Variants in SGCZ observed in about 807,000 individuals in gnomAD.
SGCZ encodes the protein sarcoglycan zeta, also known as zeta-sarcoglycan.
SGCZ carries 40 observed loss-of-function variants against 41.3 expected under a neutral mutation model. The ratio of observed to expected loss-of-function variants is 0.97; its 90% CI spans 0.75 to 1.26. The LOEUF (loss-of-function observed/expected upper bound fraction) is 1.26. Among genes scored for constraint, SGCZ ranks in the 50% most tolerant of loss-of-function variants. SGCZ has a pLI of 0.00. For missense variants in SGCZ, 552 were observed against 369.8 expected (o/e 1.49, Z -4.04); for synonymous variants, 206 against 137.5 (o/e 1.50, Z -3.49).
At chr8:14,726,687 A>C (rs2130213870) in intron 1 of SGCZ, among the ~76,000 whole-genome samples, 1 of 152,234 alleles carries the variant, frequency 6.6e-6, no homozygotes, top group Middle Eastern at 3.4e-3. Context: ...TAAATGTATA[A>C]ACAACTTGAA....
chr8:14,693,974 G>C (rs73527548), intron 1 of SGCZ, among the ~76,000 whole-genome samples: 6,203 of 152,206 alleles, frequency 0.041, 408 homozygotes, highest in African/African-American at 0.14. Flanking sequence ...TTATGACCAA[G>C]TTTCCACATT....
intron 3 of SGCZ, among the ~76,000 whole-genome samples, chr8:14,245,162 G>C (rs545437375): frequency 9.2e-5 from 14 of 152,264 alleles, no homozygotes; most frequent in Admixed American, 5.2e-4. Context: ...GGGCATACCT[G>C]TCTTGTGGCA....
chr8:14,233,634 T>A (rs1037728537), intron 4 of SGCZ, among the ~76,000 whole-genome samples: 1 of 148,946 alleles, frequency 6.7e-6, no homozygotes, highest in African/African-American at 2.4e-5. Flanking sequence ...TTTCCTGAGA[T>A]AATAAAACAA....
chr8:15,175,837 G>A (rs1472426531), intron 1 of SGCZ, among the ~76,000 whole-genome samples: 1 of 152,110 alleles, frequency 6.6e-6, no homozygotes, highest in Non-Finnish European at 1.5e-5. Flanking sequence ...ACTTCTAGGA[G>A]AGGAAGATTG....
chr8:15,203,964 G>A (rs34848985), intron 1 of SGCZ, among the ~76,000 whole-genome samples: 3,297 of 152,072 alleles, frequency 0.022, 38 homozygotes, highest in Non-Finnish European at 0.035. Flanking sequence ...ATGGGACTAC[G>A]TTTATGTAAG....
At chr8:14,218,840 C>A (rs1021712876) in intron 4 of SGCZ, among the ~76,000 whole-genome samples, 1 of 152,116 alleles carries the variant, frequency 6.6e-6, no homozygotes, top group South Asian at 2.1e-4. Context: ...AGAAGTTTTG[C>A]CAAAGCAATG....
intron 7 of SGCZ, among the ~76,000 whole-genome samples, chr8:14,100,567 TTAA>T (rs1045240420): frequency 3.0e-5 from 4 of 133,724 alleles, no homozygotes; most frequent in African/African-American, 1.1e-4. Context: ...ATATTATATA[TTAA>T]TATATTTTCA....
At chr8:14,929,263 T>C (rs1799857384) in intron 1 of SGCZ, among the ~76,000 whole-genome samples, 2 of 152,202 alleles carry the variant, frequency 1.3e-5, no homozygotes, top group African/African-American at 4.8e-5. Flanking sequence ...AGTACTGGGA[T>C]TACAGGCGTG....
chr8:14,942,458 A>G (rs1223599653), intron 1 of SGCZ, among the ~76,000 whole-genome samples: 2 of 152,134 alleles, frequency 1.3e-5, no homozygotes, highest in Non-Finnish European at 2.9e-5. Flanking sequence ...GTAATCCACA[A>G]GTTTCCTATA....
chr8:14,435,335 T>C (rs1203688890), intron 2 of SGCZ, among the ~76,000 whole-genome samples: 2 of 152,204 alleles, frequency 1.3e-5, no homozygotes, highest in African/African-American at 2.4e-5. Flanking sequence ...ATTTCAATAA[T>C]CCCATAGTCT....
intron 1 of SGCZ, among the ~76,000 whole-genome samples, chr8:15,097,153 G>A (rs1005963185): frequency 2.0e-4 from 30 of 151,954 alleles, no homozygotes; most frequent in Non-Finnish European, 4.3e-4. Flanking sequence ...AAACTGTTTG[G>A]GCCACTGTTA....
At chr8:14,996,933 G>C (rs1012592943) in intron 1 of SGCZ, among the ~76,000 whole-genome samples, 2 of 152,166 alleles carry the variant, frequency 1.3e-5, no homozygotes, top group Admixed American at 6.5e-5. Flanking sequence ...TTATTCGTGG[G>C]TTAATAGAGG....
intron 1 of SGCZ, among the ~76,000 whole-genome samples, chr8:14,924,049 AG>A (rs1226560848): frequency 1.3e-5 from 2 of 152,182 alleles, no homozygotes; most frequent in Non-Finnish European, 2.9e-5. Context: ...TCCCCTCTTA[AG>A]GGGAGTTTCA....
intron 1 of SGCZ, among the ~76,000 whole-genome samples, chr8:15,081,259 G>A (rs920520915): frequency 9.9e-5 from 15 of 151,954 alleles, no homozygotes; most frequent in African/African-American, 1.5e-4. Flanking sequence ...TTGTATTTCC[G>A]CATTTACAGT....
chr8:14,524,368 G>A (rs1329299253), intron 2 of SGCZ, among the ~76,000 whole-genome samples: 1 of 151,906 alleles, frequency 6.6e-6, no homozygotes, highest in East Asian at 1.9e-4. Context: ...GGGAATCTAC[G>A]TCCACACTAG....
At chr8:14,926,585 T>C (rs1799757100) in intron 1 of SGCZ, among the ~76,000 whole-genome samples, 1 of 152,074 alleles carries the variant, frequency 6.6e-6, no homozygotes, top group East Asian at 1.9e-4. Flanking sequence ...GAAATATATT[T>C]CTTGGGCAAA....
At chr8:15,041,083 C>G in intron 1 of SGCZ, among the ~76,000 whole-genome samples, 1 of 151,678 alleles carries the variant, frequency 6.6e-6, no homozygotes, top group Non-Finnish European at 1.5e-5. Flanking sequence ...AATACTAAAA[C>G]ATATCAAACT....
At chr8:15,004,000 A>G (rs1318906713) in intron 1 of SGCZ, among the ~76,000 whole-genome samples, 2 of 152,138 alleles carry the variant, frequency 1.3e-5, no homozygotes, top group East Asian at 3.9e-4. Context: ...GGAGGGGGGA[A>G]GCCCCTGAGA....
At chr8:14,560,577 C>A (rs1268721506) in intron 1 of SGCZ, among the ~76,000 whole-genome samples, 1 of 152,024 alleles carries the variant, frequency 6.6e-6, no homozygotes, top group Non-Finnish European at 1.5e-5. Flanking sequence ...CTCTTCAGAT[C>A]ATCGAATCCC....
Sources: gnomAD v4.1 joint callset for allele counts (sites outside exome capture counted in the v4.1 genomes callset) on GRCh38, gnomAD v4.1.1 for gene constraint, MANE v1.5 for transcripts, NCBI Gene and HGNC (gene_info 2026-07-23, HGNC 2026-07-21) for gene names.